EDIL3: variants seen among roughly 807,000 people sequenced by gnomAD.
EDIL3 encodes the protein EGF-like repeat and discoidin I-like domain-containing protein 3.
A neutral mutation model predicts 67.4 loss-of-function variants in EDIL3; 37 were observed. The observed-to-expected ratio is 0.55, with a 90% confidence interval of 0.42 to 0.72. The LOEUF is 0.72. Ranked by LOEUF, EDIL3 falls within the 30% of genes least tolerant of loss-of-function variation. The probability of loss-of-function intolerance (pLI) is 0.00; values close to 1 mark genes in which losing one functional copy is unlikely to be tolerated. For synonymous variants in EDIL3, 195 were observed against 196.3 expected, an observed-to-expected ratio of 0.99 and a Z score of 0.05; for missense variants, 527 against 586.3, an observed-to-expected ratio of 0.90 and a Z score of 1.04.
chr5:84,159,330 T>A (rs1748562714), intron 4 of EDIL3, among the ~76,000 whole-genome samples: 1 of 152,118 alleles, frequency 6.6e-6, no homozygotes, highest in African/African-American at 2.4e-5. Context: ...TGAAATTTTA[T>A]CGTGTTTCAA....
chr5:83,943,668 G>T, intron 10 of EDIL3, 100 bp from the exon 11 acceptor site: 1 of 1,356,070 alleles, frequency 7.4e-7, no homozygotes, highest in Non-Finnish European at 9.9e-7. Flanking sequence ...CATGATATTT[G>T]ATAACTATTC....
intron 9 of EDIL3, among the ~76,000 whole-genome samples, chr5:83,997,242 T>G (rs1456072689): frequency 1.3e-5 from 2 of 152,192 alleles, no homozygotes; most frequent in Non-Finnish European, 2.9e-5. Flanking sequence ...AATTTTGTAT[T>G]TTAGTAAGAT....
intron 4 of EDIL3, among the ~76,000 whole-genome samples, chr5:84,148,353 T>G (rs1748324518): frequency 6.6e-6 from 1 of 152,172 alleles, no homozygotes; most frequent in Non-Finnish European, 1.5e-5. Context: ...TGGAGAGGAA[T>G]GAAAGGCAGC....
intron 4 of EDIL3, among the ~76,000 whole-genome samples, chr5:84,137,938 G>A (rs1748122696): frequency 6.6e-6 from 1 of 152,198 alleles, no homozygotes; most frequent in African/African-American, 2.4e-5. Flanking sequence ...CTAAAGTGAG[G>A]ATGACTAAAG....
At chr5:84,354,958 G>A (rs779596411) in intron 1 of EDIL3, among the ~76,000 whole-genome samples, 29 of 151,934 alleles carry the variant, frequency 1.9e-4, no homozygotes, top group Non-Finnish European at 3.5e-4. Flanking sequence ...ACGATTATGC[G>A]TCTTTGGGTT....
At chr5:84,368,586 T>C (rs1747784923) in intron 1 of EDIL3, among the ~76,000 whole-genome samples, 2 of 152,124 alleles carry the variant, frequency 1.3e-5, no homozygotes, top group South Asian at 4.1e-4. Context: ...TTCTTTGATA[T>C]GACACGAAAG....
intron 9 of EDIL3, among the ~76,000 whole-genome samples, chr5:84,059,234 T>A (rs770066193): frequency 7.2e-5 from 11 of 151,770 alleles, no homozygotes; most frequent in Non-Finnish European, 1.5e-4. Context: ...GACACCTGTC[T>A]GCACAAAAGA....
intron 9 of EDIL3, among the ~76,000 whole-genome samples, chr5:83,968,745 A>C (rs961849058): frequency 6.6e-6 from 1 of 152,008 alleles, no homozygotes; most frequent in African/African-American, 2.4e-5. Flanking sequence ...ACTACAACTT[A>C]TGATTGTTGT....
At chr5:84,274,681 C>G (rs187414108) in intron 1 of EDIL3, among the ~76,000 whole-genome samples, 1 of 151,936 alleles carries the variant, frequency 6.6e-6, no homozygotes, top group Admixed American at 6.6e-5. Flanking sequence ...AGAAAAAATT[C>G]TGGCTATCAG....
At chr5:84,137,390 T>C (rs1471416504) in intron 4 of EDIL3, 36 bp from the exon 5 acceptor site, 11 of 1,565,890 alleles carry the variant, frequency 7.0e-6, no homozygotes, top group South Asian at 2.3e-5. Context: ...AAGAGAATTA[T>C]TGGTAAAAAA....
At chr5:84,381,759 T>C (rs1580114225) in intron 1 of EDIL3, among the ~76,000 whole-genome samples, 1 of 152,182 alleles carries the variant, frequency 6.6e-6, no homozygotes, top group African/African-American at 2.4e-5. Flanking sequence ...TGTATGCATG[T>C]TATTGAATTT....
chr5:84,262,555 A>G (rs528754383), intron 1 of EDIL3, among the ~76,000 whole-genome samples: 2 of 152,102 alleles, frequency 1.3e-5, no homozygotes, highest in African/African-American at 4.8e-5. Flanking sequence ...ATTTAATATT[A>G]ACATACATTC....
chr5:84,054,070 G>A (rs1396892106), intron 9 of EDIL3, among the ~76,000 whole-genome samples: 19 of 152,224 alleles, frequency 1.2e-4, no homozygotes, highest in South Asian at 4.1e-4. Context: ...TAAAATACTG[G>A]CAAACCAAAT....
At chr5:84,368,421 T>C (rs552181485) in intron 1 of EDIL3, among the ~76,000 whole-genome samples, 1 of 152,262 alleles carries the variant, frequency 6.6e-6, no homozygotes, top group East Asian at 1.9e-4. Context: ...TAGAACTGAA[T>C]ATCCATATAT....
At chr5:84,332,210 A>G (rs758155067) in intron 1 of EDIL3, among the ~76,000 whole-genome samples, 10 of 152,104 alleles carry the variant, frequency 6.6e-5, no homozygotes, top group Non-Finnish European at 1.5e-4. Context: ...TTTACAAAAA[A>G]TAAAACAAAA....
At chr5:84,102,923 C>A in intron 6 of EDIL3, among the ~76,000 whole-genome samples, 1 of 151,786 alleles carries the variant, frequency 6.6e-6, no homozygotes. Flanking sequence ...AAAAATAAAA[C>A]CCCCCAAAAG....
intron 9 of EDIL3, among the ~76,000 whole-genome samples, chr5:84,004,945 CTAA>C (rs1745387356): frequency 6.6e-6 from 1 of 151,744 alleles, no homozygotes; most frequent in Non-Finnish European, 1.5e-5. Context: ...GCTAGCTAGA[CTAA>C]TAAGGAAAAA....
chr5:83,968,264 T>G (rs1744731179), intron 9 of EDIL3, among the ~76,000 whole-genome samples: 1 of 152,110 alleles, frequency 6.6e-6, no homozygotes, highest in Non-Finnish European at 1.5e-5. Context: ...TGATTTGATC[T>G]AGTTCTGATC....
chr5:84,038,421 TA>T (rs994950589), intron 9 of EDIL3, among the ~76,000 whole-genome samples: 3 of 152,204 alleles, frequency 2.0e-5, no homozygotes, highest in Non-Finnish European at 4.4e-5. Flanking sequence ...CCTCTGCCTC[TA>T]CCTTCTCCAA....
Sources: allele counts gnomAD v4.1 joint callset (sites outside exome capture counted in the v4.1 genomes callset), GRCh38; gene constraint gnomAD v4.1.1; transcripts MANE v1.5; gene names NCBI Gene and HGNC (gene_info 2026-07-23, HGNC 2026-07-21).